The following CCDC6 variants were observed in gnomAD, a reference collection of about 807,000 sequenced individuals.
CCDC6 encodes coiled-coil domain containing 6.
Under a neutral mutation model 56.6 loss-of-function variants are expected in CCDC6, and 20 were observed. The ratio of observed to expected loss-of-function variants is 0.35; its 90% CI spans 0.25 to 0.51. The LOEUF is 0.51. Among genes scored for constraint, CCDC6 ranks in the 20% least tolerant of loss-of-function variants. CCDC6 has a pLI of 0.95. For missense variants in CCDC6, 367 were observed against 601.1 expected, an observed-to-expected ratio of 0.61 and a Z score of 4.07; for synonymous variants, 241 against 234.4, an observed-to-expected ratio of 1.03 and a Z score of -0.26.
At chr10:59,845,537 C>G (rs2070984478) in intron 2 of CCDC6, among the ~76,000 whole-genome samples, 1 of 152,230 alleles carries the variant, frequency 6.6e-6, no homozygotes, top group Admixed American at 6.5e-5. Context: ...ATGCTACTAA[C>G]AGAATTCTGG....
In CCDC6 at chr10:59,806,974, G is replaced by A. The variant is rs767729693; in HGVS notation, c.952C>T (p.Leu318Phe). Reference sequence around the variant, plus strand: ...TCACTCTCGGAGAGCTGTCGACAGAGGGCTTCTCTTCTCTCCATCTCCCTC... The same window carrying A: ...TCACTCTCGGAGAGCTGTCGACAGAAGGCTTCTCTTCTCTCCATCTCCCTC... ...LQREMERREALCRQLSESESS... is the reference protein window; with the variant it reads ...LQREMERREAFCRQLSESESS... Residue 318 changes from leucine (L) to phenylalanine (F), a missense_variant, in exon 6 of 9, where the codon CTC becomes TTC. Physicochemically the swap from Leu to Phe is conservative, Grantham distance 22 (BLOSUM62 0). Coordinates refer to ENST00000263102, the MANE Select transcript of CCDC6 (RefSeq NM_005436.5). 6.2e-7 allele frequency: 1 copy of A among 1,614,014 alleles called. No homozygotes were observed. Among genetic ancestry groups the A allele is most frequent in the East Asian group, 2.2e-5 (1 of 44,878 alleles).
Position 59,804,800 on chromosome 10 carries a change from A to G in CCDC6, c.1005-280T>C, listed in dbSNP as rs1466917550. On this transcript the variant is annotated intron_variant, in intron 6 of 8. Coordinates refer to ENST00000263102, the MANE Select transcript of CCDC6 (RefSeq NM_005436.5). ...GGTGCACCACACCACAGAGAGGACC[A>G]GTTTTTCCTCCATCACACAACAGCT... 1.6e-5 allele frequency: 5 copies of G among 316,818 alleles called. No individual in the cohort carries two copies. The South Asian group carries it at 2.2e-4, about 14-fold the overall frequency. 19.6% of individuals were successfully genotyped at this position (316,818 alleles called of 1,614,324 possible).
rs549095092 is a variant in CCDC6 at position 59,901,246 on chromosome 10, G to A, written c.303+4876C>T. ...TCCTCAAAGTTGTGTCTAAAGTTGT[G>A]TGTTTCCATAAGAATCTAAGAAATA... On this transcript the variant is annotated intron_variant, in intron 1 of 8. Transcript: ENST00000263102. Among the ~76,000 whole-genome samples the A allele has an allele frequency of 1.6e-4, 25 of 152,248 alleles. No individual in the cohort carries two copies. In the South Asian group the frequency reaches 5.2e-3, roughly 32 times the overall value.
At chr10:59,836,042 C>T (rs7475730) in intron 2 of CCDC6, among the ~76,000 whole-genome samples, 67 of 137,986 alleles carry the variant, frequency 4.9e-4, no homozygotes, top group African/African-American at 1.8e-3. Flanking sequence ...TGACAGACTG[C>T]GACCCTGTCT....
At chr10:59,865,442 G>A (rs2071168779) in intron 1 of CCDC6, among the ~76,000 whole-genome samples, 1 of 152,120 alleles carries the variant, frequency 6.6e-6, no homozygotes, top group Non-Finnish European at 1.5e-5. Context: ...CCCCAAGACA[G>A]AGAAATCTTA....
At chr10:59,817,722 CA>C (rs536988002) in intron 3 of CCDC6, among the ~76,000 whole-genome samples, 83 of 152,096 alleles carry the variant, frequency 5.5e-4, no homozygotes, top group Non-Finnish European at 9.9e-4. Context: ...TGTCTTTACC[CA>C]TATGTAACTA....
chr10:59,879,733 T>G (rs1200490392), intron 1 of CCDC6, among the ~76,000 whole-genome samples: 1 of 152,142 alleles, frequency 6.6e-6, no homozygotes, highest in South Asian at 2.1e-4. Context: ...AAAAAGAACC[T>G]TTGCTTCCCT....
intron 2 of CCDC6, among the ~76,000 whole-genome samples, chr10:59,838,152 G>A (rs1486695664): frequency 6.6e-6 from 1 of 151,918 alleles, no homozygotes; most frequent in East Asian, 1.9e-4. Flanking sequence ...TTCTGTTACT[G>A]GTACCAGTAT....
At chr10:59,858,662 G>T (rs758887446) in intron 1 of CCDC6, among the ~76,000 whole-genome samples, 3 of 152,164 alleles carry the variant, frequency 2.0e-5, no homozygotes, top group Non-Finnish European at 4.4e-5. Flanking sequence ...CACATGACTA[G>T]AACACAGCTT....
intron 1 of CCDC6, among the ~76,000 whole-genome samples, chr10:59,891,625 A>G (rs2071422810): frequency 6.6e-6 from 1 of 152,186 alleles, no homozygotes; most frequent in East Asian, 1.9e-4. Flanking sequence ...CTTACCTGAA[A>G]AAGAGTTCAA....
At chr10:59,834,275 G>A (rs1460585557) in intron 2 of CCDC6, among the ~76,000 whole-genome samples, 3 of 152,170 alleles carry the variant, frequency 2.0e-5, no homozygotes, top group Admixed American at 2.0e-4. Flanking sequence ...GCTCACGCCT[G>A]TAATCCCAGC....
chr10:59,842,998 C>T lies in CCDC6; in HGVS notation c.453+9555G>A, dbSNP rs565592262. On this transcript the variant is annotated intron_variant, in intron 2 of 8. Coordinates refer to ENST00000263102, the MANE Select transcript of CCDC6 (RefSeq NM_005436.5). ...TCGATCTCCCGACTTCGTGATCCAC[C>T]TGCCTCGGCCTCCCAAAGTGCTGGA... Among the ~76,000 whole-genome samples, 12 of 152,180 alleles carry T rather than the reference C, an allele frequency of 7.9e-5. No homozygotes were observed. The South Asian group carries it at 2.5e-3, about 32-fold the overall frequency.
chr10:59,796,374 C>T (rs2070519288), intron 7 of CCDC6, among the ~76,000 whole-genome samples: 1 of 150,438 alleles, frequency 6.6e-6, no homozygotes, highest in Non-Finnish European at 1.5e-5. Context: ...TGGATATTAG[C>T]CCTTTGTCAG....
At chr10:59,830,306 C>T (rs1246878724) in intron 3 of CCDC6, among the ~76,000 whole-genome samples, 1 of 152,152 alleles carries the variant, frequency 6.6e-6, no homozygotes, top group African/African-American at 2.4e-5. Context: ...TACATCGTAT[C>T]ATACAATACA....
intron 2 of CCDC6, among the ~76,000 whole-genome samples, chr10:59,834,058 G>C (rs1161745021): frequency 6.6e-6 from 1 of 152,024 alleles, no homozygotes; most frequent in Non-Finnish European, 1.5e-5. Context: ...ATTAAACATA[G>C]AAAAAAAGCC....
rs376676049 is a variant in CCDC6, at chr10:59,818,500, G to T, written c.583-3745C>A. Reference sequence around the variant, plus strand: ...TCCTTTTATTATAATGTTGACGGGGGGGGGGGAAGCAGATTCTCAGTGGGG... The same window carrying T: ...TCCTTTTATTATAATGTTGACGGGGTGGGGGGAAGCAGATTCTCAGTGGGG... On this transcript the variant is annotated intron_variant, in intron 3 of 8. Coordinates refer to ENST00000263102, the MANE Select transcript of CCDC6 (RefSeq NM_005436.5). Among the ~76,000 whole-genome samples, 143 of 142,144 alleles carry T rather than the reference G, an allele frequency of 1.0e-3. 10 individuals are homozygous for T. In the East Asian group the frequency reaches 0.022, roughly 22 times the overall value. The allele number at this position is 142,144 out of a possible 152,430, so 93.3% of individuals were successfully genotyped here. A position where few individuals can be genotyped will look rare whatever the true frequency, so the allele number is the denominator to read the frequency against.
intron 3 of CCDC6, among the ~76,000 whole-genome samples, chr10:59,819,034 G>T (rs2070731152): frequency 6.6e-6 from 1 of 152,042 alleles, no homozygotes; most frequent in African/African-American, 2.4e-5. Context: ...TAATTATACG[G>T]TTTTCATTAA....
intron 1 of CCDC6, among the ~76,000 whole-genome samples, chr10:59,899,041 G>A (rs941580021): frequency 1.3e-4 from 20 of 152,258 alleles, no homozygotes; most frequent in African/African-American, 4.6e-4. Context: ...ACTGGTATCA[G>A]GGTTGGAATA....
intron 2 of CCDC6, among the ~76,000 whole-genome samples, chr10:59,849,437 G>A (rs959752118): frequency 4.6e-5 from 7 of 152,292 alleles, no homozygotes; most frequent in South Asian, 2.1e-4. Flanking sequence ...TGTATCTTAA[G>A]CAAACTTGAT....
Sources: gnomAD v4.1 joint callset for allele counts (sites outside exome capture counted in the v4.1 genomes callset) on GRCh38, gnomAD v4.1.1 for gene constraint, MANE v1.5 for transcripts, NCBI Gene and HGNC (gene_info 2026-07-23, HGNC 2026-07-21) for gene names.